The following GAP43 variants were observed in gnomAD, a reference collection of about 807,000 sequenced individuals.
GAP43 encodes the protein neuromodulin.
Under a neutral mutation model 18.6 loss-of-function variants are expected in GAP43, and 6 were observed. The ratio of observed to expected loss-of-function variants is 0.32; its 90% CI spans 0.18 to 0.64. The LOEUF (loss-of-function observed/expected upper bound fraction) is 0.64, where lower values mean the gene tolerates loss of function less well. GAP43 is among the 30% of genes least tolerant of loss of function. GAP43 has a pLI of 0.78. For missense variants in GAP43, 292 were observed against 295.5 expected (o/e 0.99, Z 0.09); for synonymous variants, 115 against 111.4 (o/e 1.03, Z -0.20).
At position 115,663,870 on chromosome 3, in the gene GAP43, G is replaced by A. The variant is rs867144356; in HGVS notation, c.31-12143G>A. On this transcript the variant is annotated intron_variant, in intron 1 of 2. Transcript: ENST00000305124. ...AGGAAAAATCTTCAGAGAGCAGTTC[G>A]ACCTAGTCCTTATTCACTTGGCTTC... The A allele has an allele frequency of 1.3e-6, 2 of 1,552,072 alleles. No homozygotes were observed. Among genetic ancestry groups the A allele is most frequent in the South Asian group, 1.2e-5 (1 of 84,058 alleles).
intron 1 of GAP43, among the ~76,000 whole-genome samples, chr3:115,675,046 T>A (rs1708863205): frequency 6.6e-6 from 1 of 152,092 alleles, no homozygotes; most frequent in Non-Finnish European, 1.5e-5. Context: ...CTGGGGTGAA[T>A]GTGATTTATT....
intron 1 of GAP43, among the ~76,000 whole-genome samples, chr3:115,655,714 A>C (rs749836338): frequency 1.3e-5 from 2 of 152,244 alleles, no homozygotes; most frequent in Non-Finnish European, 2.9e-5. Context: ...AAACACTGAA[A>C]GTTAATTTGC....
In GAP43 at chr3:115,639,467, G is replaced by A. The variant is rs187532125; in HGVS notation, c.30+15748G>A. Reference sequence around the variant, plus strand: ...TAGCCTTTCCTCACATTTAAAGCTTGTATCTTCTGGTACTCCTCCCACAGG... The same window carrying A: ...TAGCCTTTCCTCACATTTAAAGCTTATATCTTCTGGTACTCCTCCCACAGG... On this transcript the variant is annotated intron_variant, in intron 1 of 2. Transcript: ENST00000305124. Among the ~76,000 whole-genome samples, 37 of 152,118 alleles carry A rather than the reference G, an allele frequency of 2.4e-4. 1 individual carries two copies. The highest frequency in any genetic ancestry group is 5.0e-4 in the Non-Finnish European group (34 of 67,956).
chr3:115,696,590 C>G (rs937922058), intron 2 of GAP43, among the ~76,000 whole-genome samples: 38 of 129,050 alleles, frequency 2.9e-4, no homozygotes, highest in East Asian at 2.7e-4. Context: ...CCCCCCCCCC[C>G]ACAAACAGGT....
intron 2 of GAP43, among the ~76,000 whole-genome samples, chr3:115,679,499 C>G (rs1708934480): frequency 6.6e-6 from 1 of 152,166 alleles, no homozygotes; most frequent in Non-Finnish European, 1.5e-5. Context: ...GGGACCAAAA[C>G]ATTTCAGCGC....
intron 1 of GAP43, among the ~76,000 whole-genome samples, chr3:115,646,264 T>A (rs1222143072): frequency 6.6e-6 from 1 of 152,118 alleles, no homozygotes; most frequent in East Asian, 1.9e-4. Context: ...ACTCTGCCTA[T>A]GCCAACTGTT....
intron 1 of GAP43, among the ~76,000 whole-genome samples, chr3:115,642,639 G>C (rs868508842): frequency 2.0e-5 from 3 of 151,954 alleles, no homozygotes; most frequent in Non-Finnish European, 2.9e-5. Context: ...AGGTTTGGGG[G>C]ATAAATTTTG....
intron 1 of GAP43, chr3:115,663,711 T>C: frequency 6.6e-7 from 1 of 1,509,054 alleles, no homozygotes; most frequent in East Asian, 2.5e-5. Flanking sequence ...GAAGATAAAA[T>C]TGGACTGACA....
At chr3:115,698,174 A>T (rs928288553) in intron 2 of GAP43, among the ~76,000 whole-genome samples, 93 of 16,398 alleles carry the variant, frequency 5.7e-3, no homozygotes, top group East Asian at 0.035. Context: ...AAATATATTA[A>T]ATAATATATA....
chr3:115,652,451 T>G (rs1708533089), intron 1 of GAP43, among the ~76,000 whole-genome samples: 1 of 135,986 alleles, frequency 7.4e-6, no homozygotes, highest in Non-Finnish European at 1.6e-5. Flanking sequence ...GGTGGCACCA[T>G]CATAACTCAC....
At chr3:115,627,521 T>TA (rs763102872) in intron 1 of GAP43, among the ~76,000 whole-genome samples, 5 of 151,830 alleles carry the variant, frequency 3.3e-5, no homozygotes, top group Non-Finnish European at 7.4e-5. Flanking sequence ...GGGGCTGAAT[T>TA]AATCCACAGA....
At position 115,651,771 on chromosome 3, in the gene GAP43, G is replaced by T. The variant is rs114897990; in HGVS notation, c.31-24242G>T. Among the ~76,000 whole-genome samples the T allele has an allele frequency of 6.5e-3, 982 of 152,038 alleles. 10 individuals carry two copies. Among genetic ancestry groups the T allele is most frequent in the African/African-American group, 0.023 (946 of 41,456 alleles). On this transcript the variant is annotated intron_variant, in intron 1 of 2. Transcript: ENST00000305124. ...AATTGCTTTCCCTGAGGTCCTTGGT[G>T]GCCTTGTAATTTATATTTGCAAAGA...
chr3:115,645,996 A>G (rs1708453805), intron 1 of GAP43, among the ~76,000 whole-genome samples: 1 of 152,130 alleles, frequency 6.6e-6, no homozygotes, highest in Non-Finnish European at 1.5e-5. Context: ...TTGATTTAGT[A>G]ATAATTTTAA....
chr3:115,687,804 CA>C (rs1709053908), intron 2 of GAP43, among the ~76,000 whole-genome samples: 1 of 152,108 alleles, frequency 6.6e-6, no homozygotes, highest in South Asian at 2.1e-4. Flanking sequence ...AGACCAAATT[CA>C]AAAGGTCTTC....
chr3:115,663,828 C>A (rs1300808773), intron 1 of GAP43: 2 of 1,551,956 alleles, frequency 1.3e-6, no homozygotes, highest in Admixed American at 2.0e-5. Flanking sequence ...CACTTTTTAC[C>A]TTGCCTGGGA....
chr3:115,678,233 A>G (rs1576991719), intron 2 of GAP43, among the ~76,000 whole-genome samples: 2 of 152,204 alleles, frequency 1.3e-5, no homozygotes, highest in African/African-American at 4.8e-5. Context: ...CATATCCACA[A>G]GTTACTTAAT....
At chr3:115,708,570 A>G (rs964452962) in intron 2 of GAP43, among the ~76,000 whole-genome samples, 1 of 152,220 alleles carries the variant, frequency 6.6e-6, no homozygotes, top group African/African-American at 2.4e-5. Context: ...ACGAGAGTTC[A>G]GGGGAAATGT....
chr3:115,705,143 G>A (rs1017914837), intron 2 of GAP43, among the ~76,000 whole-genome samples: 15 of 152,146 alleles, frequency 9.9e-5, no homozygotes, highest in Admixed American at 2.0e-4. Flanking sequence ...CCACGGCAAG[G>A]CATGAGCTGA....
intron 1 of GAP43, among the ~76,000 whole-genome samples, chr3:115,660,252 A>G (rs929514959): frequency 2.6e-5 from 4 of 152,124 alleles, no homozygotes; most frequent in African/African-American, 9.7e-5. Context: ...CAGTTTGGAG[A>G]TCCTCATGTT....
Sources: allele counts gnomAD v4.1 joint callset (sites outside exome capture counted in the v4.1 genomes callset), GRCh38; gene constraint gnomAD v4.1.1; transcripts MANE v1.5; gene names NCBI Gene and HGNC (gene_info 2026-07-23, HGNC 2026-07-21).